FAAH2: variants seen among roughly 807,000 people sequenced by gnomAD.
FAAH2 encodes the protein fatty-acid amide hydrolase 2.
Under a neutral mutation model 36.9 loss-of-function variants are expected in FAAH2, and 60 were observed. That is an observed-to-expected ratio of 1.63 (90% confidence interval 1.32 to 2.02). The LOEUF (loss-of-function observed/expected upper bound fraction) is 2.02, where lower values mean the gene tolerates loss of function less well. Ranked by LOEUF, FAAH2 falls within the 30% of genes most tolerant of loss-of-function variation. The pLI is 0.00. For missense variants in FAAH2, 689 were observed against 397.5 expected, an observed-to-expected ratio of 1.73 and a Z score of -6.23; for synonymous variants, 214 against 143.8, an observed-to-expected ratio of 1.49 and a Z score of -3.49.
Position 57,438,031 on chromosome X carries a change from A to G in FAAH2, c.1116+5994A>G, listed in dbSNP as rs760065803. On this transcript the variant is annotated intron_variant, in intron 8 of 10. Transcript: ENST00000374900. ...TGTATACACATATGTACATATATACATATGTATATATATACACATATATAC... is the reference window on the plus strand; with the variant it reads ...TGTATACACATATGTACATATATACGTATGTATATATATACACATATATAC... 4.4e-3 allele frequency among the ~76,000 whole-genome samples: 463 copies of G among 104,168 alleles called. 1 individual carries two copies. Among genetic ancestry groups the G allele is most frequent in the African/African-American group, 0.015 (424 of 29,232 alleles). The allele number at this position is 104,168 out of a possible 115,157, so 90.5% of individuals were successfully genotyped here.
the FAAH2 span, among the ~76,000 whole-genome samples, chrX:57,265,551 C>T: frequency 9.0e-6 from 1 of 111,656 alleles, no homozygotes; most frequent in Admixed American, 9.4e-5. Context: ...CCCAGCACAG[C>T]ACAGCTGCTT....
At chrX:57,138,727 A>T in the FAAH2 span, among the ~76,000 whole-genome samples, 1 of 111,056 alleles carries the variant, frequency 9.0e-6, no homozygotes, top group African/African-American at 3.3e-5. Context: ...AGCAGTTTTT[A>T]TTTTCTGTCT....
chrX:57,140,962 C>T, the FAAH2 span, among the ~76,000 whole-genome samples: 2 of 111,442 alleles, frequency 1.8e-5, no homozygotes, highest in African/African-American at 6.5e-5. Context: ...ACACATGTAC[C>T]CCATGAAACT....
the FAAH2 span, among the ~76,000 whole-genome samples, chrX:57,199,934 A>G: frequency 3.6e-5 from 4 of 111,706 alleles, no homozygotes; most frequent in Admixed American, 2.8e-4. Flanking sequence ...TTTAATTAAT[A>G]TCGAATACGT....
At chrX:57,246,705 T>A in the FAAH2 span, among the ~76,000 whole-genome samples, 1 of 112,177 alleles carries the variant, frequency 8.9e-6, no homozygotes, top group African/African-American at 3.2e-5. Context: ...ACAAAGTAAG[T>A]CTTGTGGCAC....
the FAAH2 span, among the ~76,000 whole-genome samples, chrX:57,193,265 T>G: frequency 1.8e-5 from 2 of 111,485 alleles, no homozygotes; most frequent in Non-Finnish European, 3.8e-5. Flanking sequence ...TAAGCCCCAG[T>G]CTCCCATAGT....
the FAAH2 span, among the ~76,000 whole-genome samples, chrX:57,192,052 T>C: frequency 8.9e-6 from 1 of 112,007 alleles, no homozygotes; most frequent in Non-Finnish European, 1.9e-5. Flanking sequence ...AATCTATAGA[T>C]TGCTTTGGGT....
intron 10 of FAAH2, among the ~76,000 whole-genome samples, chrX:57,449,227 G>C (rs1043631675): frequency 3.6e-5 from 4 of 112,095 alleles, no homozygotes; most frequent in African/African-American, 1.3e-4. Flanking sequence ...ATTATGTGAA[G>C]TCTAAAGGCC....
At chrX:57,401,723 AG>A (rs2055440980) in intron 7 of FAAH2, among the ~76,000 whole-genome samples, 1 of 111,165 alleles carries the variant, frequency 9.0e-6, no homozygotes, top group African/African-American at 3.3e-5. Flanking sequence ...TAACTTGAAC[AG>A]GACAGGCATT....
chrX:57,288,523 G>A (rs1010743093), intron 1 of FAAH2, among the ~76,000 whole-genome samples: 6 of 106,947 alleles, frequency 5.6e-5, no homozygotes, highest in Non-Finnish European at 1.2e-4. Flanking sequence ...CTAATATTTC[G>A]TATTTTTTAG....
chrX:57,425,410 A>G (rs2056136518), intron 7 of FAAH2, among the ~76,000 whole-genome samples: 1 of 111,610 alleles, frequency 9.0e-6, no homozygotes, highest in Non-Finnish European at 1.9e-5. Flanking sequence ...TTACCATGGC[A>G]TATAATAACC....
the FAAH2 span, among the ~76,000 whole-genome samples, chrX:57,163,513 A>G: frequency 1.8e-5 from 2 of 109,652 alleles, no homozygotes; most frequent in Non-Finnish European, 3.8e-5. Context: ...AATCAGGGAG[A>G]CTCCGTGGGC....
chrX:57,291,898 C>A (rs1258284536), intron 1 of FAAH2, among the ~76,000 whole-genome samples: 1 of 111,190 alleles, frequency 9.0e-6, no homozygotes, highest in African/African-American at 3.3e-5. Flanking sequence ...AACAAAAGTA[C>A]AATATGCTTA....
At chrX:57,329,968 T>A (rs752644709) in intron 3 of FAAH2, among the ~76,000 whole-genome samples, 1 of 112,111 alleles carries the variant, frequency 8.9e-6, no homozygotes, top group East Asian at 2.8e-4. Context: ...TTTACTTTAA[T>A]CTCTTAATCC....
chrX:57,200,724 G>A, the FAAH2 span, among the ~76,000 whole-genome samples: 2 of 111,318 alleles, frequency 1.8e-5, no homozygotes, highest in African/African-American at 6.5e-5. Flanking sequence ...ATATCTTATT[G>A]TATTATCTGT....
intron 7 of FAAH2, among the ~76,000 whole-genome samples, chrX:57,383,476 G>A (rs932167177): frequency 4.5e-5 from 5 of 112,096 alleles, no homozygotes; most frequent in Non-Finnish European, 9.4e-5. Context: ...CTTCAGCAAA[G>A]ACTCAGGATA....
intron 7 of FAAH2, among the ~76,000 whole-genome samples, chrX:57,421,653 A>T (rs1030146803): frequency 9.0e-6 from 1 of 111,447 alleles, no homozygotes; most frequent in Non-Finnish European, 1.9e-5. Flanking sequence ...CTTAAAGATT[A>T]TCTCTAGATA....
chrX:57,421,101 A>G (rs1375002949), intron 7 of FAAH2, among the ~76,000 whole-genome samples: 1 of 112,082 alleles, frequency 8.9e-6, no homozygotes, highest in Admixed American at 9.5e-5. Context: ...CCTTCATAAG[A>G]TTAACATTTT....
chrX:57,325,466 T>C (rs2053186464), intron 3 of FAAH2, among the ~76,000 whole-genome samples: 1 of 111,518 alleles, frequency 9.0e-6, no homozygotes, highest in Non-Finnish European at 1.9e-5. Flanking sequence ...ATCCATCTGG[T>C]CCTGAACTTT....
Sources: gnomAD v4.1 joint callset for allele counts (sites outside exome capture counted in the v4.1 genomes callset) on GRCh38, gnomAD v4.1.1 for gene constraint, MANE v1.5 for transcripts, NCBI Gene and HGNC (gene_info 2026-07-23, HGNC 2026-07-21) for gene names.